CRACD: variants seen among roughly 807,000 people sequenced by gnomAD.
CRACD encodes the protein capping protein-inhibiting regulator of actin dynamics.
CRACD carries 56 observed loss-of-function variants against 106.8 expected under a neutral mutation model. The observed-to-expected ratio is 0.52, with a 90% CI of 0.42 to 0.66. The LOEUF (loss-of-function observed/expected upper bound fraction) is 0.66. Ranked by LOEUF, CRACD falls within the 30% of genes least tolerant of loss-of-function variation. The pLI is 0.00. For synonymous variants in CRACD, 754 were observed against 670.8 expected, an observed-to-expected ratio of 1.12 and a Z score of -1.92; for missense variants, 1,730 against 1,623.2, an observed-to-expected ratio of 1.07 and a Z score of -1.13.
chr4:56,049,487 C>A lies in CRACD; in HGVS notation c.-336+188C>A, dbSNP rs1731791739. ...GGGCGGTGTCCCCATGTGGGAGGCG[C>A]GGACCCTCCCGGAGGAACCTGCGCG... On this transcript the variant is annotated intron_variant, in intron 1 of 10. Coordinates refer to ENST00000682029, the MANE Select transcript of CRACD (RefSeq NM_001393381.1). 2.0e-5 allele frequency among the ~76,000 whole-genome samples: 3 copies of A among 152,040 alleles called. 1 individual carries two copies. Among genetic ancestry groups the A allele is most frequent in the Non-Finnish European group, 4.4e-5 (3 of 67,952 alleles).
At chr4:56,265,104 A>G (rs1162843073) in intron 2 of CRACD, among the ~76,000 whole-genome samples, 1 of 152,178 alleles carries the variant, frequency 6.6e-6, no homozygotes, top group Non-Finnish European at 1.5e-5. Context: ...GTCATAATGG[A>G]AATGTGCTGG....
chr4:56,098,820 G>A (rs931177814), intron 1 of CRACD, among the ~76,000 whole-genome samples: 2 of 151,986 alleles, frequency 1.3e-5, no homozygotes, highest in Admixed American at 6.6e-5. Context: ...GCCTCCAGGT[G>A]TGCACCACCA....
intron 1 of CRACD, among the ~76,000 whole-genome samples, chr4:56,151,066 G>A (rs767728805): frequency 1.3e-5 from 2 of 152,154 alleles, no homozygotes; most frequent in African/African-American, 2.4e-5. Flanking sequence ...ACATGATCTC[G>A]GCTCACTGCA....
intron 2 of CRACD, chr4:56,216,012 G>C (rs1738656258): frequency 6.6e-6 from 1 of 152,264 alleles, no homozygotes; most frequent in Non-Finnish European, 1.5e-5. Context: ...CCACTGACGG[G>C]AGTAGCCCTT....
chr4:56,316,743 C>A (rs1745697810), intron 8 of CRACD, 54 bp downstream of exon 8: 1 of 1,486,262 alleles, frequency 6.7e-7, no homozygotes, highest in Non-Finnish European at 9.0e-7. Context: ...AGAGCCAGGG[C>A]ATCAAGAAGA....
intron 1 of CRACD, among the ~76,000 whole-genome samples, chr4:56,065,869 C>T (rs1732449670): frequency 6.6e-6 from 1 of 152,154 alleles, no homozygotes; most frequent in Non-Finnish European, 1.5e-5. Flanking sequence ...CCCTGGCAAT[C>T]TCTATTCTAC....
Position 56,324,004 on chromosome 4 carries a change from G to A in CRACD, c.3379-100G>A, listed in dbSNP as rs187328296. 24 of 1,328,332 alleles carry A rather than the reference G, an allele frequency of 1.8e-5. No individual in the cohort carries two copies. The East Asian group carries it at 4.9e-4, about 27-fold the overall frequency. 82.3% of individuals were successfully genotyped at this position (1,328,332 alleles called of 1,614,324 possible). A position where few individuals can be genotyped will look rare whatever the true frequency, so the allele number is the denominator to read the frequency against. On this transcript the variant is annotated intron_variant, in intron 9 of 10. Transcript: ENST00000682029. ...ATCCAGCCCACCGTTGGAAGCAGAG[G>A]TCAGGGGCTGGCAGGCAGAGGCCCC...
intron 1 of CRACD, among the ~76,000 whole-genome samples, chr4:56,121,953 C>A (rs1345475124): frequency 1.3e-5 from 2 of 152,144 alleles, no homozygotes; most frequent in African/African-American, 4.8e-5. Context: ...ACATTGTTTT[C>A]TATTGCCAGT....
At chr4:56,088,182 C>G (rs1051322215) in intron 1 of CRACD, among the ~76,000 whole-genome samples, 2 of 145,900 alleles carry the variant, frequency 1.4e-5, no homozygotes, top group Admixed American at 1.4e-4. Context: ...TCAAGGGGTA[C>G]ATGTGCAGGT....
intron 2 of CRACD, among the ~76,000 whole-genome samples, chr4:56,252,316 G>A (rs1301732599): frequency 2.0e-5 from 3 of 152,058 alleles, no homozygotes; most frequent in African/African-American, 4.8e-5. Context: ...CTCTTTGAAC[G>A]CCTAGGTACA....
At chr4:56,241,065 T>TA (rs1262309225) in intron 2 of CRACD, among the ~76,000 whole-genome samples, 2 of 152,218 alleles carry the variant, frequency 1.3e-5, no homozygotes, top group Non-Finnish European at 2.9e-5. Flanking sequence ...AAGTCCGTGT[T>TA]ACAGTAATTG....
chr4:56,112,554 G>T (rs1362431239), intron 1 of CRACD, among the ~76,000 whole-genome samples: 1 of 152,170 alleles, frequency 6.6e-6, no homozygotes, highest in African/African-American at 2.4e-5. Context: ...AGACCCCTCA[G>T]GAAGGAATTT....
chr4:56,209,659 T>C (rs56016865), intron 2 of CRACD, among the ~76,000 whole-genome samples: 3,738 of 152,282 alleles, frequency 0.025, 121 homozygotes, highest in African/African-American at 0.074. Context: ...CTCTATACCA[T>C]ACAAAAATAA....
intron 1 of CRACD, among the ~76,000 whole-genome samples, chr4:56,076,647 C>T (rs1355844936): frequency 6.6e-6 from 1 of 152,192 alleles, no homozygotes; most frequent in Admixed American, 6.5e-5. Context: ...GGTCCCTACC[C>T]CTGCATGCCA....
intron 3 of CRACD, among the ~76,000 whole-genome samples, chr4:56,288,797 T>C (rs489453): frequency 1.5e-3 from 227 of 152,366 alleles, no homozygotes; most frequent in African/African-American, 5.0e-3. Flanking sequence ...GCTGCATTCC[T>C]GTATTTTTAA....
chr4:56,288,460 G>A (rs2109693136), intron 3 of CRACD: 1 of 157,162 alleles, frequency 6.4e-6, no homozygotes. Flanking sequence ...CCACTTATAA[G>A]TGAGAACATA....
In CRACD at chr4:56,316,207, A is replaced by C; in HGVS notation, c.2705A>C (p.His902Pro). The C allele has an allele frequency of 6.2e-7, 1 of 1,614,106 alleles. No homozygotes were observed. The highest frequency in any genetic ancestry group is 1.1e-5 in the South Asian group (1 of 91,082). The change falls in exon 8 of 11, where the codon CAT becomes CCT. Residue 902 changes from histidine (H) to proline (P), a missense_variant. Physicochemically the swap from His to Pro is moderately conservative, Grantham distance 77. Coordinates refer to ENST00000682029, the MANE Select transcript of CRACD (RefSeq NM_001393381.1). ...EKEMEGVALK[H>P]GPSLPQERKQ... ...GAGATGGAGGGTGTGGCCCTCAAGC[A>C]TGGTCCATCCCTCCCCCAAGAGCGG... is the stretch of plus-strand genomic sequence containing the variant.
intron 10 of CRACD, among the ~76,000 whole-genome samples, chr4:56,324,591 T>C (rs1451905978): frequency 6.6e-6 from 1 of 152,240 alleles, no homozygotes; most frequent in Non-Finnish European, 1.5e-5. Flanking sequence ...ACCAATATGA[T>C]GTCAGCTGGC....
chr4:56,169,071 C>T (rs181623163), intron 1 of CRACD, among the ~76,000 whole-genome samples: 1 of 152,274 alleles, frequency 6.6e-6, no homozygotes, highest in East Asian at 1.9e-4. Context: ...GGGTAAGATT[C>T]ATTAGGGGCT....
Sources: allele counts gnomAD v4.1 joint callset (sites outside exome capture counted in the v4.1 genomes callset), GRCh38; gene constraint gnomAD v4.1.1; transcripts MANE v1.5; gene names NCBI Gene and HGNC (gene_info 2026-07-23, HGNC 2026-07-21).